Variants in LMBR1 observed in about 807,000 individuals in gnomAD.
The protein encoded by LMBR1 is limb development membrane protein 1.
LMBR1 carries 52 observed loss-of-function variants against 73.9 expected under a neutral mutation model. That is an observed-to-expected ratio of 0.70 (90% confidence interval 0.56 to 0.89). The LOEUF (loss-of-function observed/expected upper bound fraction) is 0.89, where lower values mean the gene tolerates loss of function less well. Ranked by LOEUF, LMBR1 falls within the 40% of genes least tolerant of loss-of-function variation. The pLI is 0.00. For synonymous variants in LMBR1, 215 were observed against 209.4 expected (o/e 1.03, Z -0.23); for missense variants, 539 against 579.8 (o/e 0.93, Z 0.72).
intron 8 of LMBR1, among the ~76,000 whole-genome samples, chr7:156,760,821 C>T (rs956693256): frequency 2.6e-5 from 4 of 152,182 alleles, no homozygotes; most frequent in Non-Finnish European, 5.9e-5. Context: ...CCCTATAACA[C>T]TTCCTCAGTA....
intron 1 of LMBR1, among the ~76,000 whole-genome samples, chr7:156,892,299 G>C (rs1013272618): frequency 3.3e-5 from 5 of 152,238 alleles, no homozygotes; most frequent in Admixed American, 2.6e-4. Flanking sequence ...TGGGGGAGAT[G>C]AAAGAGGGAT....
chr7:156,718,552 C>T (rs1441564306), intron 15 of LMBR1, among the ~76,000 whole-genome samples: 3 of 152,032 alleles, frequency 2.0e-5, no homozygotes, highest in Non-Finnish European at 4.4e-5. Flanking sequence ...GGCAAAACCC[C>T]GTCTCTACAA....
At chr7:156,792,278 C>A (rs979799405) in intron 5 of LMBR1, among the ~76,000 whole-genome samples, 1 of 152,054 alleles carries the variant, frequency 6.6e-6, no homozygotes, top group African/African-American at 2.4e-5. Context: ...AAAAAGCAGG[C>A]TTACTGCAAA....
At chr7:156,693,917 C>G (rs1270270284) in intron 15 of LMBR1, among the ~76,000 whole-genome samples, 1 of 152,290 alleles carries the variant, frequency 6.6e-6, no homozygotes, top group East Asian at 1.9e-4. Context: ...GCAAACCTAA[C>G]TCAACAACAC....
chr7:156,778,362 T>C (rs576377394), intron 5 of LMBR1, among the ~76,000 whole-genome samples: 47 of 152,334 alleles, frequency 3.1e-4, no homozygotes, highest in African/African-American at 1.1e-3. Flanking sequence ...ATAACTGATA[T>C]AGTAAGAAAG....
intron 1 of LMBR1, among the ~76,000 whole-genome samples, chr7:156,883,208 C>G (rs1257705118): frequency 6.6e-6 from 1 of 152,092 alleles, no homozygotes; most frequent in Non-Finnish European, 1.5e-5. Context: ...CAAGACCACC[C>G]TGGCCAACAG....
In LMBR1 at chr7:156,762,114, A is replaced by T. The variant is rs1823162839; in HGVS notation, c.684+20T>A. ...ACACATTTATTTAATAAACAAAATG[A>T]TTTATAATTAAATACTTACTGTTGG... On this transcript the variant is annotated intron_variant, in intron 8 of 16. Transcript: ENST00000353442. The T allele has an allele frequency of 1.4e-6, 2 of 1,453,196 alleles. No individual in the cohort carries two copies. The highest frequency in any genetic ancestry group is 1.9e-6 in the Non-Finnish European group (2 of 1,037,428). 90.0% of individuals were successfully genotyped at this position (1,453,196 alleles called of 1,614,324 possible).
At chr7:156,742,509 A>T (rs1819076907) in intron 9 of LMBR1, among the ~76,000 whole-genome samples, 1 of 152,160 alleles carries the variant, frequency 6.6e-6, no homozygotes, top group African/African-American at 2.4e-5. Context: ...TGGAAAATCT[A>T]GAAAAAAATG....
chr7:156,791,807 A>T (rs1829280340), intron 5 of LMBR1, among the ~76,000 whole-genome samples: 1 of 152,194 alleles, frequency 6.6e-6, no homozygotes, highest in Non-Finnish European at 1.5e-5. Flanking sequence ...TGGTTTGGAT[A>T]ATTGGTCAGG....
intron 15 of LMBR1, among the ~76,000 whole-genome samples, chr7:156,692,573 G>A (rs767480749): frequency 2.0e-5 from 3 of 152,148 alleles, no homozygotes; most frequent in African/African-American, 4.8e-5. Context: ...ATCAGGAAAC[G>A]AAGGACAGTG....
chr7:156,891,605 G>T (rs925803532), intron 1 of LMBR1, among the ~76,000 whole-genome samples: 3 of 152,146 alleles, frequency 2.0e-5, no homozygotes, highest in African/African-American at 7.2e-5. Context: ...TAGTAAAATT[G>T]TGTTTATTTA....
intron 1 of LMBR1, among the ~76,000 whole-genome samples, chr7:156,858,118 C>T (rs1214616059): frequency 3.6e-5 from 4 of 110,014 alleles, no homozygotes; most frequent in Non-Finnish European, 6.1e-5. Flanking sequence ...TTAATGAAAA[C>T]AGGAAATCAA....
chr7:156,870,878 A>G (rs1276556068), intron 1 of LMBR1, among the ~76,000 whole-genome samples: 1 of 152,130 alleles, frequency 6.6e-6, no homozygotes, highest in East Asian at 1.9e-4. Flanking sequence ...TAAAAACAAG[A>G]AAAGTCTCAA....
At chr7:156,804,109 G>C (rs185447536) in intron 4 of LMBR1, among the ~76,000 whole-genome samples, 5 of 151,932 alleles carry the variant, frequency 3.3e-5, no homozygotes, top group African/African-American at 1.2e-4. Context: ...AAGCCTGCAC[G>C]TTGTGCACAT....
At chr7:156,809,201 T>G (rs982001179) in intron 4 of LMBR1, among the ~76,000 whole-genome samples, 1 of 152,224 alleles carries the variant, frequency 6.6e-6, no homozygotes, top group Non-Finnish European at 1.5e-5. Context: ...TCCTACCACA[T>G]GAAGGACAAC....
At chr7:156,748,632 G>A (rs1019861861) in intron 9 of LMBR1, among the ~76,000 whole-genome samples, 1 of 152,024 alleles carries the variant, frequency 6.6e-6, no homozygotes, top group Non-Finnish European at 1.5e-5. Context: ...GGGATTACAT[G>A]CGCATGCCAC....
chr7:156,861,323 C>T (rs905396094), intron 1 of LMBR1, among the ~76,000 whole-genome samples: 1 of 152,210 alleles, frequency 6.6e-6, no homozygotes, highest in African/African-American at 2.4e-5. Context: ...TGTTTGGCCC[C>T]TTTTAGTCAC....
At chr7:156,891,021 T>C (rs1420128406) in intron 1 of LMBR1, among the ~76,000 whole-genome samples, 1 of 151,382 alleles carries the variant, frequency 6.6e-6, no homozygotes, top group African/African-American at 2.4e-5. Context: ...AGAAACCCCG[T>C]CTCTAATAAA....
At chr7:156,769,706 G>A (rs1487535294) in intron 5 of LMBR1, among the ~76,000 whole-genome samples, 2 of 152,220 alleles carry the variant, frequency 1.3e-5, no homozygotes, top group Non-Finnish European at 1.5e-5. Context: ...AGTGCCAGCA[G>A]GTCATTTCCC....
Sources: gnomAD v4.1 joint callset for allele counts (sites outside exome capture counted in the v4.1 genomes callset) on GRCh38, gnomAD v4.1.1 for gene constraint, MANE v1.5 for transcripts, NCBI Gene and HGNC (gene_info 2026-07-23, HGNC 2026-07-21) for gene names.